Variants in IL6R observed in about 807,000 individuals in gnomAD.
IL6R encodes interleukin 6 receptor.
In IL6R, 38 loss-of-function variants were observed where a neutral mutation model predicts 48.3. The observed-to-expected ratio is 0.79, with a 90% CI of 0.61 to 1.03. The LOEUF is 1.03. Ranked by LOEUF, IL6R falls within the 50% of genes least tolerant of loss-of-function variation. IL6R has a pLI of 0.00. For synonymous variants in IL6R, 264 were observed against 256.2 expected, an observed-to-expected ratio of 1.03 and a Z score of -0.29; for missense variants, 534 against 618.3, an observed-to-expected ratio of 0.86 and a Z score of 1.45.
At chr1:154,412,857 G>A (rs759229857) in intron 1 of IL6R, among the ~76,000 whole-genome samples, 13 of 151,998 alleles carry the variant, frequency 8.6e-5, no homozygotes, top group Non-Finnish European at 1.8e-4. Context: ...GACTGAGATA[G>A]GGTTGGAACT....
At chr1:154,435,797 C>T (rs545106377) in intron 5 of IL6R, among the ~76,000 whole-genome samples, 172 bp from the exon 6 acceptor site, 13 of 152,194 alleles carry the variant, frequency 8.5e-5, no homozygotes, top group East Asian at 1.9e-4. Flanking sequence ...CTTCAGCTTC[C>T]GTGGGCCCTG....
chr1:154,457,967 C>CTT (rs1307922193), intron 9 of IL6R, among the ~76,000 whole-genome samples: 3 of 91,690 alleles, frequency 3.3e-5, no homozygotes, highest in Non-Finnish European at 5.1e-5. Flanking sequence ...TTTTCTTTTT[C>CTT]TTTTTTTTTT....
intron 9 of IL6R, among the ~76,000 whole-genome samples, chr1:154,456,431 TCCTGA>T (rs1690893197): frequency 6.6e-6 from 1 of 152,102 alleles, no homozygotes. Flanking sequence ...GGTCTTGATC[TCCTGA>T]CCTCAGATGA....
chr1:154,436,562 G>T (rs1385815000), intron 6 of IL6R, among the ~76,000 whole-genome samples: 1 of 152,206 alleles, frequency 6.6e-6, no homozygotes, highest in Non-Finnish European at 1.5e-5. Context: ...CAGCTCTTCT[G>T]CTGGTCTTGC....
At chr1:154,429,998 G>A (rs1013485142) in intron 2 of IL6R, among the ~76,000 whole-genome samples, 1 of 152,150 alleles carries the variant, frequency 6.6e-6, no homozygotes. Flanking sequence ...TGCCCTGTGT[G>A]TCGAGCCCTA....
At chr1:154,453,451 G>T (rs893789391) in intron 8 of IL6R, among the ~76,000 whole-genome samples, 1 of 152,214 alleles carries the variant, frequency 6.6e-6, no homozygotes, top group African/African-American at 2.4e-5. Flanking sequence ...TTGGGTAGAA[G>T]AGCCTGAATG....
intron 9 of IL6R, among the ~76,000 whole-genome samples, chr1:154,456,309 GA>G: frequency 6.6e-6 from 1 of 151,392 alleles, no homozygotes; most frequent in Non-Finnish European, 1.5e-5. Flanking sequence ...GGGTTCAAGC[GA>G]TTCTTGTGCC....
intron 7 of IL6R, among the ~76,000 whole-genome samples, chr1:154,448,847 T>C (rs535155644): frequency 6.7e-6 from 1 of 149,412 alleles, no homozygotes; most frequent in Non-Finnish European, 1.5e-5. Flanking sequence ...CTCCTTATGT[T>C]AACATTGCAA....
intron 4 of IL6R, 137 bp downstream of exon 4, chr1:154,434,837 G>T: frequency 8.4e-7 from 1 of 1,184,006 alleles, no homozygotes; most frequent in Non-Finnish European, 1.2e-6. Flanking sequence ...TGCTTGCCGG[G>T]AGGTGTGGCA....
intron 8 of IL6R, among the ~76,000 whole-genome samples, 170 bp downstream of exon 8, chr1:154,450,150 G>A (rs1352129632): frequency 6.7e-6 from 1 of 150,090 alleles, no homozygotes; most frequent in African/African-American, 2.4e-5. Context: ...GTGTTGGAGA[G>A]AGTCTTGCTC....
intron 9 of IL6R, among the ~76,000 whole-genome samples, chr1:154,455,866 G>C (rs1690850161): frequency 6.6e-6 from 1 of 151,860 alleles, no homozygotes; most frequent in Non-Finnish European, 1.5e-5. Context: ...AGACCAGCCT[G>C]GCCAAAATGA....
intron 3 of IL6R, 125 bp from the exon 4 acceptor site, chr1:154,434,394 G>C (rs534477792): frequency 4.2e-6 from 3 of 718,836 alleles, no homozygotes; most frequent in Non-Finnish European, 7.1e-6. Context: ...AGGAGACTTA[G>C]AGGCACAGGG....
chr1:154,459,300 C>T (rs1691107491), intron 9 of IL6R, among the ~76,000 whole-genome samples: 1 of 152,236 alleles, frequency 6.6e-6, no homozygotes. Flanking sequence ...GGCCAGTGCC[C>T]TGTGCTGAGA....
At chr1:154,423,158 C>A (rs1356588381) in intron 1 of IL6R, among the ~76,000 whole-genome samples, 1 of 151,154 alleles carries the variant, frequency 6.6e-6, no homozygotes, top group Admixed American at 6.6e-5. Flanking sequence ...CCACCCTCAT[C>A]CCCCGACATC....
chr1:154,420,784 T>A (rs991398153), intron 1 of IL6R, among the ~76,000 whole-genome samples: 2 of 151,878 alleles, frequency 1.3e-5, no homozygotes, highest in African/African-American at 4.8e-5. Context: ...GATCCACCCG[T>A]CTCAGCCTCC....
rs954462806 is a variant in IL6R, at chr1:154,467,121, G to A, written c.*1741G>A. Reference sequence around the variant, plus strand: ...AAGCCCTGAGCTTTCTGCTATCAAAGAGGTTTTAAAAAAATCCCATTTAAA... The same window carrying A: ...AAGCCCTGAGCTTTCTGCTATCAAAAAGGTTTTAAAAAAATCCCATTTAAA... On this transcript the variant is annotated 3_prime_UTR_variant, in exon 10 of 10. Transcript: ENST00000368485. The A allele has an allele frequency of 2.0e-5, 3 of 152,048 alleles. No individual in the cohort carries two copies. The highest frequency in any genetic ancestry group is 7.3e-5 in the African/African-American group (3 of 41,372). The allele number at this position is 152,048 out of a possible 1,614,324, so 9.4% of individuals were successfully genotyped here.
chr1:154,409,499 G>A (rs572728460), intron 1 of IL6R, among the ~76,000 whole-genome samples: 1 of 152,300 alleles, frequency 6.6e-6, no homozygotes, highest in South Asian at 2.1e-4. Flanking sequence ...TTGACAGCCA[G>A]TGTTCTAGAA....
At chr1:154,441,938 A>C (rs1689960334) in intron 6 of IL6R, among the ~76,000 whole-genome samples, 1 of 149,160 alleles carries the variant, frequency 6.7e-6, no homozygotes, top group African/African-American at 2.6e-5. Context: ...CCTTTCAGAG[A>C]GTTTTTGTGA....
intron 3 of IL6R, among the ~76,000 whole-genome samples, chr1:154,431,132 G>C (rs1211839051): frequency 6.6e-6 from 1 of 152,192 alleles, no homozygotes; most frequent in Non-Finnish European, 1.5e-5. Context: ...TGATGGGCGG[G>C]GGAGAGGGAG....
Sources: gnomAD v4.1 joint callset for allele counts (sites outside exome capture counted in the v4.1 genomes callset) on GRCh38, gnomAD v4.1.1 for gene constraint, MANE v1.5 for transcripts, NCBI Gene and HGNC (gene_info 2026-07-23, HGNC 2026-07-21) for gene names.